The following CAPN12 variants were observed in gnomAD, a reference collection of about 807,000 sequenced individuals.
CAPN12 encodes calpain 12, also known as calpain-12.
In CAPN12, 107 loss-of-function variants were observed where a neutral mutation model predicts 95.0. The observed-to-expected ratio is 1.13, with a 90% confidence interval of 0.96 to 1.32. CAPN12 has a LOEUF of 1.32. Ranked by LOEUF, CAPN12 falls within the 40% of genes most tolerant of loss-of-function variation. The pLI, the probability that CAPN12 is intolerant of heterozygous loss-of-function variation, is 0.00. For synonymous variants in CAPN12, 505 were observed against 415.5 expected (o/e 1.22, Z -2.62); for missense variants, 1,136 against 997.8 (o/e 1.14, Z -1.87).
chr19:38,741,696 T>G, intron 4 of CAPN12, 81 bp downstream of exon 4: 7 of 1,544,138 alleles, frequency 4.5e-6, no homozygotes, highest in Non-Finnish European at 6.2e-6. Flanking sequence ...TTGCAGAGCT[T>G]GGGGGACTCT....
chr19:38,732,866 C>A (rs866816139), intron 18 of CAPN12, among the ~76,000 whole-genome samples: 34 of 152,326 alleles, frequency 2.2e-4, no homozygotes, highest in African/African-American at 7.9e-4. Context: ...ATGAGGGTCA[C>A]AGTGCTGTAC....
Position 38,738,302 on chromosome 19 carries a change from C to A in CAPN12, c.936G>T (p.Leu312=). 1 of 1,612,132 alleles carries A rather than the reference C, an allele frequency of 6.2e-7. No homozygotes were observed. The highest frequency in any genetic ancestry group is 8.5e-7 in the Non-Finnish European group (1 of 1,180,032). The change falls in exon 8 of 21, where the codon CTG becomes CTT. Residue 312 remains leucine, a synonymous_variant. Coordinates refer to ENST00000328867, the MANE Select transcript of CAPN12 (RefSeq NM_144691.4). ...ACTCGCCATCCTCCTTTTTCACCAG[C>A]AGGGCATCGCGGCACTCGGTGGGGA... ...DTLPTECRDA[L]LVKKEDGEFW... is the part of the protein sequence containing the mutation.
intron 8 of CAPN12, among the ~76,000 whole-genome samples, chr19:38,737,878 C>T (rs1177215077): frequency 1.3e-5 from 2 of 152,066 alleles, no homozygotes; most frequent in Non-Finnish European, 2.9e-5. Flanking sequence ...CGTTAAATTG[C>T]CACCAACCCC....
At chr19:38,737,062 G>T in intron 10 of CAPN12, 94 bp downstream of exon 10, 1 of 448,246 alleles carries the variant, frequency 2.2e-6, no homozygotes. Context: ...CTTCCCACTG[G>T]CCCCGCCCCT....
Position 38,736,625 on chromosome 19 carries a change from C to T in CAPN12, c.1363-62G>A. On this transcript the variant is annotated intron_variant, in intron 10 of 20. Coordinates refer to ENST00000328867, the MANE Select transcript of CAPN12 (RefSeq NM_144691.4). ...GAGAGGTGGCCGCCGCTCAGGGTCT[C>T]CTCCCTGCCCCTTCTCACCTCTGTG... The T allele has an allele frequency of 5.8e-6, 8 of 1,374,056 alleles. 1 individual carries two copies. The highest frequency in any genetic ancestry group is 2.9e-5 in the South Asian group (2 of 68,710). 85.1% of individuals were successfully genotyped at this position (1,374,056 alleles called of 1,614,324 possible). A position where few individuals can be genotyped will look rare whatever the true frequency, so the allele number is the denominator to read the frequency against.
At chr19:38,735,602 G>GCCCCAGCT in intron 12 of CAPN12, 58 bp from the exon 13 acceptor site, 1 of 1,574,364 alleles carries the variant, frequency 6.4e-7, no homozygotes, top group Non-Finnish European at 8.6e-7. Context: ...GGGGCTGTGT[G>GCCCCAGCT]GGACGGGGTC....
chr19:38,738,159 C>T, intron 8 of CAPN12, 114 bp downstream of exon 8: 1 of 1,049,702 alleles, frequency 9.5e-7, no homozygotes, highest in East Asian at 2.6e-5. Flanking sequence ...AAAATTACCA[C>T]CGATGTACAC....
chr19:38,734,279 C>T, intron 16 of CAPN12, 40 bp downstream of exon 16: 1 of 1,603,074 alleles, frequency 6.2e-7, no homozygotes. Context: ...ACGTCCCCTT[C>T]CCCACTCCCT....
rs781065134 is a variant in CAPN12 at position 38,738,350 on chromosome 19, G to A, written c.891-3C>T. Reference sequence around the variant, plus strand: ...GGAGTGTGTCCCAGCGTGGGCAGCTGGAGAGACTGTGGTGTGAGGGGCGGG... The same window carrying A: ...GGAGTGTGTCCCAGCGTGGGCAGCTAGAGAGACTGTGGTGTGAGGGGCGGG... On this transcript the variant is annotated splice_polypyrimidine_tract_variant and splice_region_variant and intron_variant, in intron 7 of 20. Transcript: ENST00000328867. The A allele has an allele frequency of 1.2e-6, 2 of 1,611,998 alleles. No individual in the cohort carries two copies. The highest frequency in any genetic ancestry group is 4.5e-5 in the East Asian group (2 of 44,880).
intron 10 of CAPN12, 79 bp downstream of exon 10, chr19:38,737,077 G>GC: frequency 3.5e-5 from 10 of 289,248 alleles, no homozygotes; most frequent in South Asian, 1.3e-4. Flanking sequence ...GCCCCTCCAT[G>GC]CCTCCCCCGC....
At chr19:38,743,434 T>A (rs1378203930) in intron 1 of CAPN12, among the ~76,000 whole-genome samples, 1 of 92,062 alleles carries the variant, frequency 1.1e-5, no homozygotes, top group East Asian at 3.5e-4. Flanking sequence ...GACCCAGGAG[T>A]CCAGGCCCAG....
intron 14 of CAPN12, 200 bp from the exon 15 acceptor site, chr19:38,735,070 C>G: frequency 1.6e-6 from 1 of 611,860 alleles, no homozygotes; most frequent in Non-Finnish European, 2.9e-6. Flanking sequence ...GGCCAGCAGA[C>G]CGGCCTGGGG....
intron 15 of CAPN12, 154 bp downstream of exon 15, chr19:38,734,659 A>G (rs904068887): frequency 1.4e-5 from 10 of 703,836 alleles, no homozygotes; most frequent in Non-Finnish European, 2.3e-5. Flanking sequence ...CCCACACAAG[A>G]TCCCCTGCAG....
At chr19:38,735,158 G>A (rs1018171352) in intron 14 of CAPN12, 17 of 606,034 alleles carry the variant, frequency 2.8e-5, no homozygotes, top group African/African-American at 5.5e-5. Context: ...TGTCAGGAGG[G>A]AGAGGGTGGT....
chr19:38,734,325 A>G lies in CAPN12; in HGVS notation c.1809T>C (p.Cys603=). The change falls in exon 16 of 21, where the codon TGT becomes TGC. Residue 603 remains cysteine, a synonymous_variant. Coordinates refer to ENST00000328867, the MANE Select transcript of CAPN12 (RefSeq NM_144691.4). ...GGCACTGCCCCCCATGTACCCCGAA[A>G]CACTGCAGCAGCTGCTCACAGGTCC... ...GLRTCEQLLQ[C]FGHGQSLALH... The G allele has an allele frequency of 6.2e-7, 1 of 1,607,854 alleles. No individual in the cohort carries two copies. The highest frequency in any genetic ancestry group is 8.5e-7 in the Non-Finnish European group (1 of 1,176,726).
At chr19:38,733,416 C>T (rs1464668234) in intron 18 of CAPN12, 1 of 433,050 alleles carries the variant, frequency 2.3e-6, no homozygotes, top group Admixed American at 4.0e-5. Flanking sequence ...GATACCAGCT[C>T]CTAATCTTCC....
rs760686832 is a variant in CAPN12 at position 38,737,151 on chromosome 19, C to G, written c.1362+5G>C. 3.9e-6 allele frequency: 6 copies of G among 1,545,392 alleles called. No individual in the cohort carries two copies. The highest frequency in any genetic ancestry group is 2.2e-4 in the Middle Eastern group (1 of 4,448). On this transcript the variant is annotated splice_donor_5th_base_variant and intron_variant, in intron 10 of 20. Transcript: ENST00000328867. The stretch of plus-strand genomic sequence containing the variant: ...CTCCAGCCTCAGCTTTGCCCAGGAC[C>G]TCACCTGGAACACGTGGAAGCCAAC...
Position 38,730,267 on chromosome 19 carries a change from G to C in CAPN12, c.*585C>G, listed in dbSNP as rs772909923. ...ATTCACCTAGCAACATATCTCTGCCGTCTCTCCTGCTCTCATAATGAAGAC... is the reference window on the plus strand; with the variant it reads ...ATTCACCTAGCAACATATCTCTGCCCTCTCTCCTGCTCTCATAATGAAGAC... On this transcript the variant is annotated 3_prime_UTR_variant, in exon 21 of 21. Coordinates refer to ENST00000328867, the MANE Select transcript of CAPN12 (RefSeq NM_144691.4). 8 of 158,540 alleles carry C rather than the reference G, an allele frequency of 5.0e-5. No homozygotes were observed. Among genetic ancestry groups the C allele is most frequent in the Non-Finnish European group, 9.8e-5 (7 of 71,782 alleles). The allele number at this position is 158,540 out of a possible 1,614,324, so 9.8% of individuals were successfully genotyped here.
At chr19:38,736,415 C>T (rs957355970) in intron 11 of CAPN12, 97 bp from the exon 12 acceptor site, 78 of 1,517,450 alleles carry the variant, frequency 5.1e-5, no homozygotes, top group Non-Finnish European at 6.8e-5. Flanking sequence ...TAACCCCTGT[C>T]CACGCCTCCC....
Sources: gnomAD v4.1 joint callset for allele counts (sites outside exome capture counted in the v4.1 genomes callset) on GRCh38, gnomAD v4.1.1 for gene constraint, MANE v1.5 for transcripts, NCBI Gene and HGNC (gene_info 2026-07-23, HGNC 2026-07-21) for gene names.